The following LRP1B variants were observed in gnomAD, a reference collection of about 807,000 sequenced individuals.
LRP1B encodes the protein LDL receptor related protein 1B.
In LRP1B, 217 loss-of-function variants were observed where a neutral mutation model predicts 556.6. The observed-to-expected ratio is 0.39, with a 90% CI of 0.35 to 0.44. The LOEUF (loss-of-function observed/expected upper bound fraction) is 0.44, where lower values mean the gene tolerates loss of function less well. Among genes scored for constraint, LRP1B ranks in the 20% least tolerant of loss-of-function variants. The pLI is 1.00. For synonymous variants in LRP1B, 2,047 were observed against 1,865.8 expected (o/e 1.10, Z -2.50); for missense variants, 5,053 against 5,620.8 (o/e 0.90, Z 3.23).
chr2:141,688,588 A>T (rs890995434), intron 2 of LRP1B, among the ~76,000 whole-genome samples: 2 of 151,894 alleles, frequency 1.3e-5, no homozygotes, highest in African/African-American at 4.8e-5. Context: ...CTCATTTTAT[A>T]ACTAAAGAAA....
At chr2:140,437,946 G>C (rs1423756620) in intron 66 of LRP1B, among the ~76,000 whole-genome samples, 1 of 152,036 alleles carries the variant, frequency 6.6e-6, no homozygotes, top group African/African-American at 2.4e-5. Context: ...TATATAACAT[G>C]ATACTTGTTA....
chr2:140,377,354 C>A (rs560513191), intron 68 of LRP1B, among the ~76,000 whole-genome samples: 1 of 152,132 alleles, frequency 6.6e-6, no homozygotes, highest in Non-Finnish European at 1.5e-5. Flanking sequence ...GGATTACAGG[C>A]GTAAGCCACC....
chr2:141,754,420 A>G (rs1434923137), intron 2 of LRP1B, among the ~76,000 whole-genome samples: 1 of 152,166 alleles, frequency 6.6e-6, no homozygotes, highest in South Asian at 2.1e-4. Flanking sequence ...AGAAATCAAT[A>G]TTTCAGGGAA....
rs150146381 is a variant in LRP1B, at chr2:140,727,433, T to C, written c.5759-10617A>G. The stretch of plus-strand genomic sequence containing the variant: ...GGCATACAACTGAGCCATCTCATGC[T>C]GGTTGAAACCTCTGGAGGAGGCTAT... On this transcript the variant is annotated intron_variant, in intron 35 of 90. Coordinates refer to ENST00000389484, the MANE Select transcript of LRP1B (RefSeq NM_018557.3). 5.9e-5 allele frequency among the ~76,000 whole-genome samples: 9 copies of C among 152,304 alleles called. 1 individual carries two copies. In the East Asian group the frequency reaches 1.7e-3, roughly 29 times the overall value.
At chr2:140,953,894 T>C (rs1695793118) in intron 18 of LRP1B, among the ~76,000 whole-genome samples, 1 of 152,190 alleles carries the variant, frequency 6.6e-6, no homozygotes, top group Non-Finnish European at 1.5e-5. Flanking sequence ...CTCTTTGTAC[T>C]ACACTCTATT....
At chr2:141,797,621 TG>T (rs1387891300) in intron 2 of LRP1B, among the ~76,000 whole-genome samples, 2 of 152,120 alleles carry the variant, frequency 1.3e-5, no homozygotes, top group African/African-American at 4.8e-5. Context: ...CTTTTCCTAA[TG>T]GAAGAGTTAG....
At chr2:140,359,059 ATC>A (rs1682382770) in intron 72 of LRP1B, 113 bp from the exon 73 acceptor site, 1 of 1,085,394 alleles carries the variant, frequency 9.2e-7, no homozygotes, top group African/African-American at 1.6e-5. Flanking sequence ...TTTTCTAAAT[ATC>A]TTTTTTGTTG....
chr2:140,625,909 A>C (rs1234592766), intron 41 of LRP1B, among the ~76,000 whole-genome samples: 1 of 152,202 alleles, frequency 6.6e-6, no homozygotes, highest in African/African-American at 2.4e-5. Flanking sequence ...ATGTCCAAAC[A>C]AAAATCTGTA....
chr2:141,191,952 T>G (rs574942369), intron 6 of LRP1B, among the ~76,000 whole-genome samples: 12 of 152,094 alleles, frequency 7.9e-5, no homozygotes, highest in Admixed American at 7.9e-4. Flanking sequence ...AAAAGAGCTG[T>G]TTGACAGCAT....
chr2:140,282,320 G>A (rs1682948171), intron 84 of LRP1B, among the ~76,000 whole-genome samples: 1 of 151,776 alleles, frequency 6.6e-6, no homozygotes, highest in Non-Finnish European at 1.5e-5. Context: ...TATAGTCAGA[G>A]GCATTAGATG....
In LRP1B at chr2:141,288,594, A is replaced by T. The variant is rs570609867; in HGVS notation, c.344-33953T>A. The stretch of plus-strand genomic sequence containing the variant: ...AAACTTCTGTAAACAAGGAGCTGAC[A>T]GCCTACTAGTTCCTTATTTTGCCTG... On this transcript the variant is annotated intron_variant, in intron 3 of 90. Transcript: ENST00000389484. 3.3e-5 allele frequency among the ~76,000 whole-genome samples: 5 copies of T among 152,312 alleles called. No homozygotes were observed. In the South Asian group the frequency reaches 1.0e-3, roughly 32 times the overall value.
chr2:142,013,845 T>C (rs1190730093), intron 1 of LRP1B, among the ~76,000 whole-genome samples: 9 of 152,166 alleles, frequency 5.9e-5, no homozygotes. Context: ...GCCTGGGACT[T>C]GCTGGGCTGC....
At chr2:141,314,331 T>C (rs1056811662) in intron 3 of LRP1B, among the ~76,000 whole-genome samples, 2 of 152,192 alleles carry the variant, frequency 1.3e-5, no homozygotes, top group Non-Finnish European at 2.9e-5. Flanking sequence ...TGCAATTACA[T>C]AATTTCATAG....
chr2:140,636,437 A>G (rs1310119091), intron 41 of LRP1B, among the ~76,000 whole-genome samples: 1 of 152,200 alleles, frequency 6.6e-6, no homozygotes, highest in Non-Finnish European at 1.5e-5. Flanking sequence ...AAGTATGATT[A>G]CCATCACATT....
intron 3 of LRP1B, among the ~76,000 whole-genome samples, chr2:141,303,563 T>C (rs1043503762): frequency 1.2e-4 from 19 of 152,160 alleles, no homozygotes; most frequent in African/African-American, 4.6e-4. Context: ...CCAGGTTTAT[T>C]TTACTTAACA....
chr2:140,446,000 A>G lies in LRP1B; in HGVS notation c.10058-1321T>C, dbSNP rs1377634459. ...CTTTTATAATTACAATATTAAATAA[A>G]AATTTAAACATTCTTTAAAAAATAA... On this transcript the variant is annotated intron_variant, in intron 63 of 90. Coordinates refer to ENST00000389484, the MANE Select transcript of LRP1B (RefSeq NM_018557.3). Among the ~76,000 whole-genome samples the G allele has an allele frequency of 2.0e-5, 3 of 152,066 alleles. No homozygotes were observed. In the East Asian group the frequency reaches 5.8e-4, roughly 29 times the overall value.
intron 5 of LRP1B, among the ~76,000 whole-genome samples, chr2:141,242,601 GT>G (rs1219873545): frequency 6.6e-6 from 1 of 151,958 alleles, no homozygotes; most frequent in Non-Finnish European, 1.5e-5. Context: ...GAATCCTGAA[GT>G]TTTTTAATAG....
At position 141,118,540 on chromosome 2, in the gene LRP1B, C is replaced by A. The variant is rs541764034; in HGVS notation, c.1014-56267G>T. 4.6e-5 allele frequency among the ~76,000 whole-genome samples: 7 copies of A among 151,986 alleles called. No individual in the cohort carries two copies. In the South Asian group the frequency reaches 1.5e-3, roughly 32 times the overall value. The stretch of plus-strand genomic sequence containing the variant: ...TATGAAATGTAATGGATAGAAATTG[C>A]CTACATATCTCATTTTCTGAGAGCG... On this transcript the variant is annotated intron_variant, in intron 7 of 90. Coordinates refer to ENST00000389484, the MANE Select transcript of LRP1B (RefSeq NM_018557.3).
chr2:141,424,384 T>C (rs1320482528), intron 3 of LRP1B, among the ~76,000 whole-genome samples: 2 of 152,184 alleles, frequency 1.3e-5, no homozygotes, highest in Admixed American at 1.3e-4. Context: ...AGTGCTGGGA[T>C]TACAGGCATG....
Sources: allele counts gnomAD v4.1 joint callset (sites outside exome capture counted in the v4.1 genomes callset), GRCh38; gene constraint gnomAD v4.1.1; transcripts MANE v1.5; gene names NCBI Gene and HGNC (gene_info 2026-07-23, HGNC 2026-07-21).